Variants in DNAH12 observed in about 807,000 individuals in gnomAD.
The protein encoded by DNAH12 is dynein axonemal heavy chain 12, also known as axonemal beta dynein heavy chain 12.
In DNAH12, 285 loss-of-function variants were observed where a neutral mutation model predicts 371.5. The ratio of observed to expected loss-of-function variants is 0.77; its 90% confidence interval spans 0.70 to 0.85. DNAH12 has a LOEUF of 0.85. Ranked by LOEUF, DNAH12 falls within the 40% of genes least tolerant of loss-of-function variation. The pLI, the probability that DNAH12 is intolerant of heterozygous loss-of-function variation, is 0.00. For missense variants in DNAH12, 3,611 were observed against 3,689.4 expected, an observed-to-expected ratio of 0.98 and a Z score of 0.55; for synonymous variants, 1,200 against 1,213.0, an observed-to-expected ratio of 0.99 and a Z score of 0.22.
intron 10 of DNAH12, among the ~76,000 whole-genome samples, chr3:57,501,925 G>C (rs199534000): frequency 2.5e-5 from 3 of 120,668 alleles, no homozygotes; most frequent in Admixed American, 8.6e-5. Flanking sequence ...TTTTTTTTTT[G>C]AGACGGAGTC....
chr3:57,536,341 T>A (rs1385682136), intron 2 of DNAH12: 1 of 152,204 alleles, frequency 6.6e-6, no homozygotes, highest in African/African-American at 2.4e-5. Context: ...TTTGTGCATG[T>A]GCTGCCAAAG....
intron 45 of DNAH12, among the ~76,000 whole-genome samples, chr3:57,390,424 A>AAAAATATATAT: frequency 3.0e-5 from 1 of 33,436 alleles, no homozygotes; most frequent in African/African-American, 6.3e-5. Flanking sequence ...AAAAAAAAAA[A>AAAAATATATAT]ATATATATAT....
At chr3:57,366,002 G>A (rs1157674857) in intron 57 of DNAH12, among the ~76,000 whole-genome samples, 3 of 152,098 alleles carry the variant, frequency 2.0e-5, no homozygotes, top group Admixed American at 1.3e-4. Context: ...ATCTTGAGCA[G>A]GGGGTGGGTA....
intron 9 of DNAH12, among the ~76,000 whole-genome samples, chr3:57,503,812 C>A (rs2067647144): frequency 6.6e-6 from 1 of 152,134 alleles, no homozygotes; most frequent in Admixed American, 6.5e-5. Flanking sequence ...AAAATCAATT[C>A]ATAGCTACAA....
chr3:57,495,634 T>C (rs959507073), intron 11 of DNAH12, among the ~76,000 whole-genome samples: 1 of 146,442 alleles, frequency 6.8e-6, no homozygotes, highest in Non-Finnish European at 1.5e-5. Flanking sequence ...TATATATTTT[T>C]ATGTATTTAT....
chr3:57,436,111 C>G (rs1247356210), intron 30 of DNAH12, among the ~76,000 whole-genome samples: 1 of 151,902 alleles, frequency 6.6e-6, no homozygotes, highest in South Asian at 2.1e-4. Flanking sequence ...GAAAGCCCCT[C>G]TCAGGTAGCA....
chr3:57,473,528 T>G (rs2066430897), intron 13 of DNAH12, among the ~76,000 whole-genome samples: 1 of 151,806 alleles, frequency 6.6e-6, no homozygotes, highest in Non-Finnish European at 1.5e-5. Flanking sequence ...GAAAAAAAAC[T>G]CTTAAAACAA....
chr3:57,393,259 GT>G (rs1359818172), intron 44 of DNAH12, among the ~76,000 whole-genome samples: 2 of 152,158 alleles, frequency 1.3e-5, no homozygotes, highest in Non-Finnish European at 2.9e-5. Context: ...AAATATCCAG[GT>G]GTGAGTGATA....
chr3:57,428,404 A>AT, intron 34 of DNAH12: 1 of 1,479,102 alleles, frequency 6.8e-7, no homozygotes, highest in Non-Finnish European at 9.1e-7. Context: ...AGTAATTAGA[A>AT]TTTTTAAAAT....
At chr3:57,320,616 C>T (rs547744613) in intron 65 of DNAH12, among the ~76,000 whole-genome samples, 17 of 131,120 alleles carry the variant, frequency 1.3e-4, no homozygotes, top group Admixed American at 1.1e-3. Context: ...TGTCTACAAA[C>T]CAGTCACACC....
At chr3:57,323,899 A>G (rs956946748) in intron 62 of DNAH12, among the ~76,000 whole-genome samples, 13 of 152,206 alleles carry the variant, frequency 8.5e-5, no homozygotes, top group Admixed American at 6.5e-4. Flanking sequence ...GTCACTCATT[A>G]TAGCAGAGAT....
At chr3:57,538,860 C>G (rs930810297) in intron 2 of DNAH12, among the ~76,000 whole-genome samples, 1 of 152,212 alleles carries the variant, frequency 6.6e-6, no homozygotes. Context: ...TCTTATATAT[C>G]CAACTGCTAT....
chr3:57,392,628 C>T (rs954788261), intron 44 of DNAH12, among the ~76,000 whole-genome samples: 33 of 151,868 alleles, frequency 2.2e-4, no homozygotes, highest in Non-Finnish European at 4.3e-4. Context: ...AACACACACA[C>T]AGTGTATTTT....
chr3:57,515,119 C>T (rs2068144576), intron 4 of DNAH12, among the ~76,000 whole-genome samples: 1 of 151,936 alleles, frequency 6.6e-6, no homozygotes, highest in Non-Finnish European at 1.5e-5. Context: ...AGTATGAATC[C>T]ATGGGTTTTG....
At chr3:57,457,432 C>G (rs1458403172) in intron 22 of DNAH12, among the ~76,000 whole-genome samples, 1 of 152,172 alleles carries the variant, frequency 6.6e-6, no homozygotes, top group African/African-American at 2.4e-5. Context: ...CTTTGTGTCT[C>G]AGTTTCAACA....
rs1201163408 is a variant in DNAH12, at chr3:57,391,944, A to G, written c.7233T>C (p.Ile2411=). 1 of 152,748 alleles carries G rather than the reference A, an allele frequency of 6.5e-6. No homozygotes were observed. The highest frequency in any genetic ancestry group is 1.5e-5 in the Non-Finnish European group (1 of 68,050). The allele number at this position is 152,748 out of a possible 1,614,324, so 9.5% of individuals were successfully genotyped here. A position where few individuals can be genotyped will look rare whatever the true frequency, so the allele number is the denominator to read the frequency against. The change falls in exon 45 of 74, where the codon ATT becomes ATC. Residue 2411 remains isoleucine (I), a synonymous_variant. Transcript: ENST00000495027. ...TCAAGCGATTTCGAAAGGCATCTCCAATGGGGCTAAAGGCCACCACGACAT... is the reference window on the plus strand; with the variant it reads ...TCAAGCGATTTCGAAAGGCATCTCCGATGGGGCTAAAGGCCACCACGACAT... ...NLHVVVAFSP[I]GDAFRNRLRQ...
intron 45 of DNAH12, among the ~76,000 whole-genome samples, chr3:57,390,424 A>AAAATATATATATATATATATAT: frequency 6.0e-5 from 2 of 33,440 alleles, no homozygotes; most frequent in Non-Finnish European, 1.4e-4. Flanking sequence ...AAAAAAAAAA[A>AAAATATATATATATATATATAT]ATATATATAT....
rs1244301395 is a variant in DNAH12, at chr3:57,311,575, G to C, written c.10663-625C>G. ...GGTTTTGTCCCCCAGGTTACATTTG[G>C]CAATGTCTGGAGATAACTTAGATGG... On this transcript the variant is annotated intron_variant, in intron 66 of 73. Transcript: ENST00000495027. 4.9e-4 allele frequency among the ~76,000 whole-genome samples: 75 copies of C among 152,154 alleles called. 2 individuals carry two copies. Among genetic ancestry groups the C allele is most frequent in the Admixed American group, 4.9e-3 (75 of 15,282 alleles).
chr3:57,365,860 C>CAT (rs1441003137), intron 57 of DNAH12, among the ~76,000 whole-genome samples: 6 of 69,766 alleles, frequency 8.6e-5, no homozygotes, highest in African/African-American at 4.3e-4. Context: ...TGTGTGTGTA[C>CAT]ACATATATAT....
Sources: gnomAD v4.1 joint callset for allele counts (sites outside exome capture counted in the v4.1 genomes callset) on GRCh38, gnomAD v4.1.1 for gene constraint, MANE v1.5 for transcripts, NCBI Gene and HGNC (gene_info 2026-07-23, HGNC 2026-07-21) for gene names.